TENM2: variants seen among roughly 807,000 people sequenced by gnomAD.
TENM2 encodes teneurin transmembrane protein 2, also known as teneurin-2.
A neutral mutation model predicts 245.2 loss-of-function variants in TENM2; 52 were observed. That is an observed-to-expected ratio of 0.21 (90% confidence interval 0.17 to 0.27). The LOEUF is 0.27. Among genes scored for constraint, TENM2 ranks in the 10% least tolerant of loss-of-function variants. The pLI is 1.00. For synonymous variants in TENM2, 1,363 were observed against 1,438.9 expected (o/e 0.95, Z 1.19); for missense variants, 3,046 against 3,666.8 (o/e 0.83, Z 4.37).
chr5:166,984,051 G>C, the TENM2 span, among the ~76,000 whole-genome samples: 16 of 152,216 alleles, frequency 1.1e-4, no homozygotes, highest in African/African-American at 3.6e-4. Flanking sequence ...TTATTTAGCT[G>C]TATGTAAGCT....
At chr5:168,009,763 T>C (rs1263508484) in intron 5 of TENM2, among the ~76,000 whole-genome samples, 1 of 152,220 alleles carries the variant, frequency 6.6e-6, no homozygotes, top group Non-Finnish European at 1.5e-5. Flanking sequence ...TCTCTTTGCT[T>C]TCTTTTTATC....
intron 2 of TENM2, among the ~76,000 whole-genome samples, chr5:167,874,340 C>A (rs966923138): frequency 1.3e-5 from 2 of 152,054 alleles, no homozygotes; most frequent in Non-Finnish European, 2.9e-5. Context: ...TTTATTGAAC[C>A]AAATGAACCC....
the TENM2 span, among the ~76,000 whole-genome samples, chr5:167,092,033 C>T: frequency 6.6e-6 from 1 of 152,068 alleles, no homozygotes; most frequent in African/African-American, 2.4e-5. Context: ...GTATCTGCCT[C>T]AGACAGAGGC....
At chr5:167,907,214 A>G (rs1270223315) in intron 3 of TENM2, among the ~76,000 whole-genome samples, 1 of 151,180 alleles carries the variant, frequency 6.6e-6, no homozygotes, top group Non-Finnish European at 1.5e-5. Context: ...CCTGTGCAAA[A>G]AGAGTGAAAC....
intron 2 of TENM2, among the ~76,000 whole-genome samples, chr5:167,394,438 G>A (rs896607678): frequency 6.6e-6 from 1 of 151,924 alleles, no homozygotes; most frequent in African/African-American, 2.4e-5. Context: ...TATAAATGTG[G>A]CTTTATTTCT....
intron 2 of TENM2, among the ~76,000 whole-genome samples, chr5:167,508,786 C>A (rs1044425540): frequency 6.6e-6 from 1 of 152,034 alleles, no homozygotes; most frequent in Non-Finnish European, 1.5e-5. Context: ...TAATTAGAAC[C>A]TCAAGCTCAA....
intron 2 of TENM2, among the ~76,000 whole-genome samples, chr5:167,621,225 A>G (rs996794495): frequency 6.6e-6 from 1 of 152,204 alleles, no homozygotes; most frequent in Non-Finnish European, 1.5e-5. Context: ...AAATGAATGA[A>G]TAAGAACATT....
At chr5:167,242,039 G>GTTTTTTTTTTTTTTTTTTTTTTTTTTTTT in the TENM2 span, among the ~76,000 whole-genome samples, 1 of 140,190 alleles carries the variant, frequency 7.1e-6, no homozygotes, top group African/African-American at 2.7e-5. Flanking sequence ...TTCTTTTTTT[G>GTTTTTTTTTTTTTTTTTTTTTTTTTTTTT]TTTTTTGTTT....
intron 8 of TENM2, among the ~76,000 whole-genome samples, chr5:168,092,160 T>A (rs1792999286): frequency 6.6e-6 from 1 of 152,184 alleles, no homozygotes; most frequent in East Asian, 1.9e-4. Context: ...GAAATTCAGG[T>A]GGCAATTCTT....
At chr5:167,094,756 AAGT>A in the TENM2 span, among the ~76,000 whole-genome samples, 1 of 152,186 alleles carries the variant, frequency 6.6e-6, no homozygotes, top group East Asian at 1.9e-4. Flanking sequence ...CGGGCTGGGA[AAGT>A]CTTTGCAACT....
intron 27 of TENM2, among the ~76,000 whole-genome samples, chr5:168,255,946 C>T (rs1767612830): frequency 6.6e-6 from 1 of 152,008 alleles, no homozygotes; most frequent in Non-Finnish European, 1.5e-5. Context: ...GCTGGGATTA[C>T]AGGCAGGCGC....
At chr5:167,424,296 G>A (rs6555745) in intron 2 of TENM2, among the ~76,000 whole-genome samples, 140,513 of 151,980 alleles carry the variant, frequency 0.92, 65,559 homozygotes, top group Non-Finnish European at 0.98. Flanking sequence ...AAATGAGTTA[G>A]ATATATTCCA....
intron 2 of TENM2, among the ~76,000 whole-genome samples, chr5:167,801,837 A>G (rs1765801788): frequency 6.6e-6 from 1 of 152,058 alleles, no homozygotes; most frequent in African/African-American, 2.4e-5. Context: ...TTCAGTTGTA[A>G]GACCAGAGAG....
chr5:167,044,034 AC>A, the TENM2 span, among the ~76,000 whole-genome samples: 38,835 of 96,044 alleles, frequency 0.4, 6,510 homozygotes, highest in African/African-American at 0.53. Flanking sequence ...AATAGTAAGG[AC>A]AGAAGGAAGG....
At chr5:168,199,030 G>A (rs1174376184) in exon 16 of TENM2, 9 of 1,613,728 alleles carry the variant, frequency 5.6e-6, no homozygotes, top group Non-Finnish European at 7.6e-6. Context: ...GCTTTGTCCG[G>A]CCTGATCCAA....
chr5:167,812,090 G>A (rs1031240626), intron 2 of TENM2, among the ~76,000 whole-genome samples: 1 of 152,134 alleles, frequency 6.6e-6, no homozygotes, highest in African/African-American at 2.4e-5. Context: ...AAATAAGGGA[G>A]TGGAAGATAA....
At chr5:167,700,130 G>C (rs1758042401) in intron 2 of TENM2, among the ~76,000 whole-genome samples, 1 of 152,128 alleles carries the variant, frequency 6.6e-6, no homozygotes, top group African/African-American at 2.4e-5. Context: ...TCTCTGAAAA[G>C]ATAGAACAGG....
At chr5:167,181,443 T>A in the TENM2 span, among the ~76,000 whole-genome samples, 1 of 149,986 alleles carries the variant, frequency 6.7e-6, no homozygotes, top group Non-Finnish European at 1.5e-5. Context: ...CTCTGTTTTT[T>A]TTTTTCCTAG....
intron 5 of TENM2, among the ~76,000 whole-genome samples, chr5:168,016,275 C>G (rs993781919): frequency 1.3e-5 from 2 of 152,178 alleles, no homozygotes; most frequent in African/African-American, 4.8e-5. Flanking sequence ...AATGAAACAC[C>G]CGTGCACTGA....
Sources: allele counts gnomAD v4.1 joint callset (sites outside exome capture counted in the v4.1 genomes callset), GRCh38; gene constraint gnomAD v4.1.1; transcripts MANE v1.5; gene names NCBI Gene and HGNC (gene_info 2026-07-23, HGNC 2026-07-21).